Variants in AMMECR1 observed in about 807,000 individuals in gnomAD.
AMMECR1 encodes the protein nuclear protein AMMECR1.
AMMECR1 carries 3 observed loss-of-function variants against 22.5 expected under a neutral mutation model. The ratio of observed to expected loss-of-function variants is 0.13; its 90% CI spans 0.06 to 0.35. The LOEUF is 0.35. AMMECR1 is among the 10% of genes least tolerant of loss of function. The probability of loss-of-function intolerance (pLI) is 1.00; values close to 1 mark genes in which losing one functional copy is unlikely to be tolerated. For synonymous variants in AMMECR1, 130 were observed against 116.7 expected, an observed-to-expected ratio of 1.11 and a Z score of -0.74; for missense variants, 235 against 278.7, an observed-to-expected ratio of 0.84 and a Z score of 1.12.
rs1249530091 is a variant in AMMECR1 at position 110,198,320 on chromosome X, A to T, written c.*200T>A. On this transcript the variant is annotated 3_prime_UTR_variant, in exon 6 of 6. Coordinates refer to ENST00000262844, the MANE Select transcript of AMMECR1 (RefSeq NM_015365.3). ...AAAAAAAAATCAACGATCTAAAATA[A>T]TAAAACAGGATCTTAACAAATGCCA... 7.0e-6 allele frequency: 2 copies of T among 287,054 alleles called. No homozygotes were observed. The highest frequency in any genetic ancestry group is 1.2e-5 in the Non-Finnish European group (2 of 162,606). 23.7% of individuals were successfully genotyped at this position (287,054 alleles called of 1,213,427 possible). A position where few individuals can be genotyped will look rare whatever the true frequency, so the allele number is the denominator to read the frequency against.
chrX:110,424,268 T>C (rs1170848411), intron 2 of AMMECR1, among the ~76,000 whole-genome samples: 2 of 111,725 alleles, frequency 1.8e-5, no homozygotes, highest in Non-Finnish European at 3.8e-5. Flanking sequence ...AATTCATCCT[T>C]AGAAAAGTTT....
intron 1 of AMMECR1, among the ~76,000 whole-genome samples, chrX:110,300,740 A>C (rs1337750238): frequency 1.8e-5 from 2 of 112,082 alleles, no homozygotes; most frequent in Non-Finnish European, 3.8e-5. Flanking sequence ...TCTCAGTTTT[A>C]ATTCTGGAAA....
intron 1 of AMMECR1, among the ~76,000 whole-genome samples, chrX:110,303,812 G>A (rs1002451633): frequency 8.9e-6 from 1 of 112,140 alleles, no homozygotes; most frequent in African/African-American, 3.2e-5. Context: ...TCTGTTTCCT[G>A]AGTATACTGA....
At chrX:110,376,136 G>A (rs947713828) in intron 2 of AMMECR1, among the ~76,000 whole-genome samples, 1 of 111,399 alleles carries the variant, frequency 9.0e-6, no homozygotes, top group Non-Finnish European at 1.9e-5. Flanking sequence ...TGTCTCTGAA[G>A]CCAGTGGGAA....
At chrX:110,238,606 T>A (rs1177407441) in intron 2 of AMMECR1, among the ~76,000 whole-genome samples, 1 of 112,116 alleles carries the variant, frequency 8.9e-6, no homozygotes, top group African/African-American at 3.2e-5. Flanking sequence ...GGGAAAGGGG[T>A]GGCTGTGGGC....
chrX:110,436,422 A>T lies in AMMECR1; in HGVS notation c.-294+3468T>A, dbSNP rs12557453. Among the ~76,000 whole-genome samples the T allele has an allele frequency of 6.5e-3, 725 of 112,122 alleles. 13 individuals are homozygous for T. The highest frequency in any genetic ancestry group is 0.051 in the Admixed American group (539 of 10,581). On this transcript the variant is annotated intron_variant, in intron 1 of 7. Coordinates refer to the AMMECR1 transcript ENST00000372057. ...AAACCCACTCTGTATCTTTATAGAG[A>T]TAACTGCTGGAATATGCATTTTAGT...
intron 2 of AMMECR1, among the ~76,000 whole-genome samples, chrX:110,384,711 G>A (rs1280306784): frequency 9.0e-6 from 1 of 110,790 alleles, no homozygotes; most frequent in East Asian, 2.8e-4. Flanking sequence ...GGTGACAAAT[G>A]TGGCTGGCTG....
intron 1 of AMMECR1, among the ~76,000 whole-genome samples, chrX:110,273,944 T>C (rs1485171014): frequency 8.9e-6 from 1 of 112,114 alleles, no homozygotes. Flanking sequence ...TCTTTTTGCT[T>C]TAGGATTGCT....
intron 1 of AMMECR1, among the ~76,000 whole-genome samples, chrX:110,303,979 T>C (rs1201235440): frequency 8.9e-6 from 1 of 112,768 alleles, no homozygotes; most frequent in Non-Finnish European, 1.9e-5. Flanking sequence ...TCTAAACTTA[T>C]GTCTTAAAGA....
chrX:110,232,859 C>T (rs1319363688), intron 2 of AMMECR1, among the ~76,000 whole-genome samples: 3 of 84,710 alleles, frequency 3.5e-5, no homozygotes, highest in African/African-American at 1.4e-4. Context: ...CATTGCACTC[C>T]AGCCTGGGTG....
chrX:110,350,794 C>T, intron 2 of AMMECR1, among the ~76,000 whole-genome samples: 1 of 109,378 alleles, frequency 9.1e-6, no homozygotes, highest in East Asian at 2.9e-4. Flanking sequence ...TAGTGAGACC[C>T]CCGTCTCTAC....
intron 1 of AMMECR1, among the ~76,000 whole-genome samples, chrX:110,433,001 G>A (rs2068809317): frequency 8.9e-6 from 1 of 112,773 alleles, no homozygotes; most frequent in Non-Finnish European, 1.9e-5. Context: ...CAGGAAGCAA[G>A]TCCTCGACCT....
At chrX:110,396,662 A>G (rs1347645772) in intron 2 of AMMECR1, among the ~76,000 whole-genome samples, 1 of 112,338 alleles carries the variant, frequency 8.9e-6, no homozygotes, top group Non-Finnish European at 1.9e-5. Flanking sequence ...TCCCTGTTTT[A>G]CAAAGAAGAA....
upstream of AMMECR1, among the ~76,000 whole-genome samples, chrX:110,321,287 G>C (rs1483893183): frequency 1.8e-5 from 2 of 110,471 alleles, no homozygotes; most frequent in African/African-American, 6.6e-5. Flanking sequence ...ATACCCTCCA[G>C]AGGAAACTTT....
At chrX:110,261,412 C>A (rs1417703257) in intron 2 of AMMECR1, among the ~76,000 whole-genome samples, 1 of 110,676 alleles carries the variant, frequency 9.0e-6, no homozygotes, top group Non-Finnish European at 1.9e-5. Flanking sequence ...CCCCTATCCC[C>A]TAAGTTCATT....
intron 2 of AMMECR1, among the ~76,000 whole-genome samples, chrX:110,253,998 T>G (rs1336651344): frequency 9.0e-6 from 1 of 111,586 alleles, no homozygotes; most frequent in Non-Finnish European, 1.9e-5. Flanking sequence ...TCACCGTTAA[T>G]AAGGTGTATG....
chrX:110,263,152 A>C lies in AMMECR1; in HGVS notation c.584+1337T>G, dbSNP rs541166749. Reference sequence around the variant, plus strand: ...AATTTAATATGTACCTGTCCCAAAAAGGTAGCCATTGGCAGAATTTGCTGA... The same window carrying C: ...AATTTAATATGTACCTGTCCCAAAACGGTAGCCATTGGCAGAATTTGCTGA... On this transcript the variant is annotated intron_variant, in intron 2 of 5. Coordinates refer to ENST00000262844, the MANE Select transcript of AMMECR1 (RefSeq NM_015365.3). 1.1e-4 allele frequency among the ~76,000 whole-genome samples: 12 copies of C among 111,444 alleles called. No individual in the cohort carries two copies. The South Asian group carries it at 4.5e-3, about 42-fold the overall frequency.
At chrX:110,282,650 T>G (rs1447867239) in intron 1 of AMMECR1, among the ~76,000 whole-genome samples, 1 of 111,768 alleles carries the variant, frequency 8.9e-6, no homozygotes, top group African/African-American at 3.3e-5. Context: ...AGATTATCAT[T>G]TTTATAATAA....
At chrX:110,226,787 G>A (rs996750294) in intron 2 of AMMECR1, among the ~76,000 whole-genome samples, 12 of 111,569 alleles carry the variant, frequency 1.1e-4, no homozygotes, top group Middle Eastern at 4.7e-3. Flanking sequence ...TAATGCTTCC[G>A]TTCATAGGAT....
Sources: allele counts gnomAD v4.1 joint callset (sites outside exome capture counted in the v4.1 genomes callset), GRCh38; gene constraint gnomAD v4.1.1; transcripts MANE v1.5; gene names NCBI Gene and HGNC (gene_info 2026-07-23, HGNC 2026-07-21).